The following FRMD3 variants were observed in gnomAD, a reference collection of about 807,000 sequenced individuals.
The protein encoded by FRMD3 is FERM domain-containing protein 3.
In FRMD3, 33 loss-of-function variants were observed where a neutral mutation model predicts 70.2. The ratio of observed to expected loss-of-function variants is 0.47; its 90% CI spans 0.36 to 0.63. The LOEUF is 0.63. Among genes scored for constraint, FRMD3 ranks in the 20% least tolerant of loss-of-function variants. The probability of loss-of-function intolerance (pLI) is 0.00; values close to 1 mark genes in which losing one functional copy is unlikely to be tolerated. For synonymous variants in FRMD3, 279 were observed against 255.9 expected (o/e 1.09, Z -0.86); for missense variants, 632 against 711.4 (o/e 0.89, Z 1.27).
intron 1 of FRMD3, among the ~76,000 whole-genome samples, chr9:83,425,921 A>AC (rs1554703566): frequency 1.1e-4 from 17 of 151,058 alleles, no homozygotes; most frequent in African/African-American, 2.9e-4. Context: ...AAAAAAAAAA[A>AC]AAAAAAACAA....
intron 1 of FRMD3, among the ~76,000 whole-genome samples, chr9:83,493,279 C>T (rs1278286512): frequency 6.6e-6 from 1 of 152,196 alleles, no homozygotes; most frequent in Non-Finnish European, 1.5e-5. Context: ...TGGCCCCCTC[C>T]ACCAGAACTT....
intron 4 of FRMD3, among the ~76,000 whole-genome samples, chr9:83,348,835 A>G (rs1824048340): frequency 1.3e-5 from 2 of 152,136 alleles, no homozygotes; most frequent in Non-Finnish European, 2.9e-5. Context: ...AGTCACCTCC[A>G]TGCCACTAAT....
chr9:83,337,962 A>T (rs1468436817), intron 5 of FRMD3, among the ~76,000 whole-genome samples: 1 of 152,260 alleles, frequency 6.6e-6, no homozygotes. Flanking sequence ...CATCAGAGTC[A>T]AAGTAATAGA....
At chr9:83,461,454 G>A (rs1393964558) in intron 1 of FRMD3, among the ~76,000 whole-genome samples, 1 of 152,010 alleles carries the variant, frequency 6.6e-6, no homozygotes, top group Non-Finnish European at 1.5e-5. Flanking sequence ...ACTAACACAT[G>A]GGATAAACCC....
chr9:83,283,359 T>A (rs1022175222), intron 13 of FRMD3, among the ~76,000 whole-genome samples: 1 of 151,636 alleles, frequency 6.6e-6, no homozygotes, highest in Non-Finnish European at 1.5e-5. Flanking sequence ...TGAAACCCCG[T>A]CTCTACAAAA....
chr9:83,445,133 T>A (rs1453497406), intron 1 of FRMD3, among the ~76,000 whole-genome samples: 1 of 152,200 alleles, frequency 6.6e-6, no homozygotes, highest in Non-Finnish European at 1.5e-5. Context: ...CCCAATGCTT[T>A]GGGAGGCCAA....
intron 1 of FRMD3, among the ~76,000 whole-genome samples, chr9:83,514,135 G>A (rs1829400880): frequency 6.6e-6 from 1 of 152,228 alleles, no homozygotes. Context: ...CCTGGAAAGG[G>A]GGCTGAAGCC....
In FRMD3 at chr9:83,247,693, G is replaced by T; in HGVS notation, c.*225C>A. ...TATAATAAAAAATAAACATATTTTTGGTTATTTAAAGACCATCTTCCTAAC... is the reference window on the plus strand; with the variant it reads ...TATAATAAAAAATAAACATATTTTTTGTTATTTAAAGACCATCTTCCTAAC... On this transcript the variant is annotated 3_prime_UTR_variant, in exon 14 of 14. Transcript: ENST00000304195. 1 of 1,311,126 alleles carries T rather than the reference G, an allele frequency of 7.6e-7. No homozygotes were observed. The highest frequency in any genetic ancestry group is 3.1e-5 in the Admixed American group (1 of 32,504). 81.2% of individuals were successfully genotyped at this position (1,311,126 alleles called of 1,614,324 possible).
Position 83,267,154 on chromosome 9 carries a change from C to A in FRMD3, c.1196-18638G>T, listed in dbSNP as rs550272011. ...ATTTTGCCATACTGGTTATTCCAAT[C>A]CCCTTGGTCTCCTCGGCCTGCATGG... On this transcript the variant is annotated intron_variant, in intron 13 of 13. Transcript: ENST00000304195. The A allele has an allele frequency of 5.5e-5, 85 of 1,550,638 alleles. No homozygotes were observed. In the South Asian group the frequency reaches 9.5e-4, roughly 17 times the overall value.
chr9:83,515,845 A>G (rs1829442893), intron 1 of FRMD3, among the ~76,000 whole-genome samples: 1 of 152,238 alleles, frequency 6.6e-6, no homozygotes, highest in Non-Finnish European at 1.5e-5. Flanking sequence ...TTTTCAATCC[A>G]GAATTTCATA....
At chr9:83,403,067 A>G (rs1018230444) in intron 1 of FRMD3, among the ~76,000 whole-genome samples, 1 of 151,564 alleles carries the variant, frequency 6.6e-6, no homozygotes, top group Non-Finnish European at 1.5e-5. Context: ...CCATGCCCAG[A>G]TAATTTTTGT....
At chr9:83,538,710 G>A (rs915365097), upstream of FRMD3, among the ~76,000 whole-genome samples, 4 of 152,206 alleles carry the variant, frequency 2.6e-5, no homozygotes, top group African/African-American at 4.8e-5. The surrounding 1 kb of genome is among the most constrained non-coding windows in gnomAD (Gnocchi z 4.7). Flanking sequence ...TCCCTCCCCT[G>A]GCCGCTGTCG....
At chr9:83,552,144 T>C in the FRMD3 span, among the ~76,000 whole-genome samples, 1 of 152,228 alleles carries the variant, frequency 6.6e-6, no homozygotes, top group Non-Finnish European at 1.5e-5. Context: ...CTGCCTTAGC[T>C]GTGTCCCACA....
At chr9:83,302,739 C>T (rs138522559) in intron 10 of FRMD3, among the ~76,000 whole-genome samples, 58 of 152,218 alleles carry the variant, frequency 3.8e-4, no homozygotes, top group African/African-American at 1.3e-3. Context: ...TAAAAGAGCT[C>T]TAACTCCAGC....
At chr9:83,562,996 A>AG in the FRMD3 span, among the ~76,000 whole-genome samples, 2 of 152,054 alleles carry the variant, frequency 1.3e-5, no homozygotes, top group Non-Finnish European at 2.9e-5. Context: ...GAAAAAAAAA[A>AG]AAAAGAATGA....
chr9:83,472,180 G>C (rs772504117), intron 1 of FRMD3, among the ~76,000 whole-genome samples: 1 of 152,106 alleles, frequency 6.6e-6, no homozygotes, highest in Non-Finnish European at 1.5e-5. Context: ...GTGGTCCATG[G>C]TCAAATAAGT....
At chr9:83,522,191 T>G (rs1829585085) in intron 1 of FRMD3, among the ~76,000 whole-genome samples, 1 of 152,226 alleles carries the variant, frequency 6.6e-6, no homozygotes, top group African/African-American at 2.4e-5. Context: ...TGACAAAATA[T>G]CAGTAATCCA....
In FRMD3 at chr9:83,322,380, C is replaced by T. The variant is rs116213892; in HGVS notation, c.597-8633G>A. Reference sequence around the variant, plus strand: ...ATCTCTCCCAGGCAAGCAGTGTGGACGAGAAGCTGTGGAGAGTGCAGCCCA... The same window carrying T: ...ATCTCTCCCAGGCAAGCAGTGTGGATGAGAAGCTGTGGAGAGTGCAGCCCA... On this transcript the variant is annotated intron_variant, in intron 6 of 13. Transcript: ENST00000304195. Among the ~76,000 whole-genome samples the T allele has an allele frequency of 4.2e-3, 645 of 152,020 alleles. 1 individual carries two copies. Among genetic ancestry groups the T allele is most frequent in the Middle Eastern group, 0.02 (6 of 294 alleles).
At chr9:83,506,504 G>A (rs1048385650) in intron 1 of FRMD3, among the ~76,000 whole-genome samples, 1 of 152,184 alleles carries the variant, frequency 6.6e-6, no homozygotes, top group Non-Finnish European at 1.5e-5. Context: ...GGAAGCACTT[G>A]TGTATCTAAA....
Sources: gnomAD v4.1 joint callset for allele counts (sites outside exome capture counted in the v4.1 genomes callset) on GRCh38, gnomAD v4.1.1 for gene constraint, Gnocchi (gnomAD v3.1) non-coding constraint, MANE v1.5 for transcripts, NCBI Gene and HGNC (gene_info 2026-07-23, HGNC 2026-07-21) for gene names.